The following TNRC6B variants were observed in gnomAD, a reference collection of about 807,000 sequenced individuals.
TNRC6B encodes trinucleotide repeat-containing gene 6B protein.
TNRC6B carries 52 observed loss-of-function variants against 203.6 expected under a neutral mutation model. The ratio of observed to expected loss-of-function variants is 0.26; its 90% CI spans 0.20 to 0.32. TNRC6B has a LOEUF of 0.32. Ranked by LOEUF, TNRC6B falls within the 10% of genes least tolerant of loss-of-function variation. TNRC6B has a pLI of 1.00. For missense variants in TNRC6B, 1,923 were observed against 2,286.2 expected, an observed-to-expected ratio of 0.84 and a Z score of 3.24; for synonymous variants, 838 against 845.7, an observed-to-expected ratio of 0.99 and a Z score of 0.16.
chr22:40,316,576 G>T (rs7290341), intron 21 of TNRC6B, among the ~76,000 whole-genome samples: 59 of 152,256 alleles, frequency 3.9e-4, no homozygotes, highest in African/African-American at 1.4e-3. Context: ...CTTGAGCCCA[G>T]AATTGCATTG....
chr22:40,323,392 CTGT>C lies in TNRC6B; in HGVS notation c.*152_*154del. ...GAAAAAAAGGTGGGTCATTGACAGACTGTCTGAGCACATAGTTGCCTCCCTTAT... is the reference window on the plus strand; with the variant it reads ...GAAAAAAAGGTGGGTCATTGACAGACCTGAGCACATAGTTGCCTCCCTTAT... On this transcript the variant is annotated 3_prime_UTR_variant, in exon 23 of 23. Coordinates refer to ENST00000454349, the MANE Select transcript of TNRC6B (RefSeq NM_001162501.2). 1 of 974,988 alleles carries C rather than the reference CTGT, an allele frequency of 1.0e-6. No homozygotes were observed. Among genetic ancestry groups the C allele is most frequent in the South Asian group, 1.8e-5 (1 of 55,338 alleles). The allele number at this position is 974,988 out of a possible 1,614,324, so 60.4% of individuals were successfully genotyped here.
chr22:40,045,454 T>TC (rs2067679728), intron 1 of TNRC6B: 1 of 151,412 alleles, frequency 6.6e-6, no homozygotes, highest in South Asian at 2.1e-4. Context: ...CCGGGGGGCC[T>TC]CGGCGCGGGG....
intron 12 of TNRC6B, among the ~76,000 whole-genome samples, chr22:40,294,274 GTCAA>G (rs746775031): frequency 1.3e-4 from 20 of 151,844 alleles, no homozygotes; most frequent in Admixed American, 7.9e-4. Flanking sequence ...CAGTCAATCA[GTCAA>G]TCAATCAATC....
chr22:40,265,382 T>C lies in TNRC6B; in HGVS notation c.1152T>C (p.Ser384=). 6.2e-7 allele frequency: 1 copy of C among 1,613,972 alleles called. No homozygotes were observed. The highest frequency in any genetic ancestry group is 8.5e-7 in the Non-Finnish European group (1 of 1,179,890). Residue 384 remains serine, a synonymous_variant, in exon 5 of 23, where the codon AGT becomes AGC. Coordinates refer to ENST00000454349, the MANE Select transcript of TNRC6B (RefSeq NM_001162501.2). ...KNGNTNSLNL[S]SPNPMENKGM... ...GAAACACTAACTCCTTGAACTTAAG[T>C]TCACCAAACCCCATGGAGAATAAGG...
chr22:40,165,072 G>A (rs957580923), intron 4 of TNRC6B, among the ~76,000 whole-genome samples: 31 of 147,994 alleles, frequency 2.1e-4, no homozygotes, highest in African/African-American at 7.2e-4. Flanking sequence ...GTGAGCCACC[G>A]CACCCACCCC....
chr22:40,211,696 G>A (rs370782128), intron 1 of TNRC6B, among the ~76,000 whole-genome samples: 25 of 152,124 alleles, frequency 1.6e-4, no homozygotes, highest in African/African-American at 5.6e-4. Flanking sequence ...AGAGCCAGCC[G>A]TCCCAGAACG....
chr22:40,076,576 C>T (rs977733153), intron 1 of TNRC6B, among the ~76,000 whole-genome samples: 1 of 152,010 alleles, frequency 6.6e-6, no homozygotes, highest in African/African-American at 2.4e-5. Flanking sequence ...TGTATTGTTT[C>T]TTTCTTTTGT....
chr22:40,219,665 T>C (rs921229494), intron 1 of TNRC6B, among the ~76,000 whole-genome samples: 1 of 152,196 alleles, frequency 6.6e-6, no homozygotes, highest in Non-Finnish European at 1.5e-5. Context: ...TCCCCATGTC[T>C]TGGGTCTGTC....
At chr22:40,121,144 T>C (rs921050050) in intron 2 of TNRC6B, among the ~76,000 whole-genome samples, 6 of 152,290 alleles carry the variant, frequency 3.9e-5, no homozygotes, top group African/African-American at 1.4e-4. Context: ...TCCCTAGCTT[T>C]TGTTTCTTAG....
intron 1 of TNRC6B, among the ~76,000 whole-genome samples, chr22:40,193,867 A>G (rs560266671): frequency 1.8e-3 from 226 of 123,932 alleles, no homozygotes; most frequent in Non-Finnish European, 3.1e-3. Flanking sequence ...CCAAAAAAAA[A>G]AGAAAGACTG....
At chr22:40,109,758 T>A (rs760929387) in intron 1 of TNRC6B, among the ~76,000 whole-genome samples, 2 of 152,214 alleles carry the variant, frequency 1.3e-5, no homozygotes, top group Non-Finnish European at 2.9e-5. Flanking sequence ...AATCCCAGTT[T>A]CTCTCTGAAG....
At chr22:40,297,295 G>T (rs2070957585) in intron 12 of TNRC6B, among the ~76,000 whole-genome samples, 2 of 152,204 alleles carry the variant, frequency 1.3e-5, no homozygotes, top group Non-Finnish European at 2.9e-5. Context: ...AGCTTTAGCG[G>T]CATATGACTA....
At chr22:40,222,009 T>G (rs1261938160) in intron 1 of TNRC6B, among the ~76,000 whole-genome samples, 2 of 152,136 alleles carry the variant, frequency 1.3e-5, no homozygotes, top group Non-Finnish European at 2.9e-5. Flanking sequence ...GAAGGTAGGA[T>G]GACTTACATC....
chr22:40,092,461 A>T (rs1367878729), intron 1 of TNRC6B, among the ~76,000 whole-genome samples: 1 of 151,864 alleles, frequency 6.6e-6, no homozygotes, highest in Non-Finnish European at 1.5e-5. Context: ...AACTGAACAT[A>T]GAATAAGTAT....
At chr22:40,137,461 G>C (rs772346477) in intron 3 of TNRC6B, among the ~76,000 whole-genome samples, 1 of 152,286 alleles carries the variant, frequency 6.6e-6, no homozygotes, top group South Asian at 2.1e-4. Flanking sequence ...GGAAAAGTCA[G>C]TTTATAGAAC....
intron 3 of TNRC6B, among the ~76,000 whole-genome samples, chr22:40,144,945 A>T (rs1398300489): frequency 6.6e-6 from 1 of 150,496 alleles, no homozygotes; most frequent in Non-Finnish European, 1.5e-5. Context: ...AAAATTAATC[A>T]TTAAGGCTAG....
intron 11 of TNRC6B, among the ~76,000 whole-genome samples, chr22:40,282,508 A>C (rs1196203999): frequency 6.6e-6 from 1 of 152,152 alleles, no homozygotes; most frequent in Non-Finnish European, 1.5e-5. Context: ...TTTTGAATCG[A>C]GGTATAGAAA....
chr22:40,096,090 A>G (rs1376103508), intron 1 of TNRC6B, among the ~76,000 whole-genome samples: 1 of 152,212 alleles, frequency 6.6e-6, no homozygotes, highest in East Asian at 1.9e-4. Flanking sequence ...GACCAGCTTC[A>G]GAAAGCACGA....
At chr22:40,302,662 G>C (rs1480479817) in intron 15 of TNRC6B, among the ~76,000 whole-genome samples, 4 of 151,004 alleles carry the variant, frequency 2.6e-5, no homozygotes, top group Non-Finnish European at 5.9e-5. Context: ...GAGTTGGGAA[G>C]ACATGAAATT....
Sources: gnomAD v4.1 joint callset for allele counts (sites outside exome capture counted in the v4.1 genomes callset) on GRCh38, gnomAD v4.1.1 for gene constraint, MANE v1.5 for transcripts, NCBI Gene and HGNC (gene_info 2026-07-23, HGNC 2026-07-21) for gene names.